The following PTPRN2 variants were observed in gnomAD, a reference collection of about 807,000 sequenced individuals.
PTPRN2 encodes protein tyrosine phosphatase receptor type N2, also known as receptor-type tyrosine-protein phosphatase N2.
A neutral mutation model predicts 118.8 loss-of-function variants in PTPRN2; 74 were observed. The ratio of observed to expected loss-of-function variants is 0.62; its 90% confidence interval spans 0.52 to 0.76. The LOEUF is 0.76. Ranked by LOEUF, PTPRN2 falls within the 30% of genes least tolerant of loss-of-function variation. The probability of loss-of-function intolerance (pLI) is 0.00; values close to 1 mark genes in which losing one functional copy is unlikely to be tolerated. For missense variants in PTPRN2, 1,481 were observed against 1,394.4 expected, an observed-to-expected ratio of 1.06 and a Z score of -0.99; for synonymous variants, 641 against 608.0, an observed-to-expected ratio of 1.05 and a Z score of -0.80.
Position 158,227,790 on chromosome 7 carries a change from C to T in PTPRN2, c.278-22517G>A, listed in dbSNP as rs199985067. Among the ~76,000 whole-genome samples the T allele has an allele frequency of 3.3e-4, 50 of 152,276 alleles. No homozygotes were observed. In the East Asian group the frequency reaches 3.9e-3, roughly 12 times the overall value. On this transcript the variant is annotated intron_variant, in intron 3 of 22. Coordinates refer to ENST00000389418, the MANE Select transcript of PTPRN2 (RefSeq NM_002847.5). ...GAGGAAACACTCCTTAAGAAGATGACGTGAAGTCAATTAAAGGGATCAGGT... is the reference window on the plus strand; with the variant it reads ...GAGGAAACACTCCTTAAGAAGATGATGTGAAGTCAATTAAAGGGATCAGGT...
intron 6 of PTPRN2, among the ~76,000 whole-genome samples, chr7:158,165,360 A>T (rs937571267): frequency 6.6e-6 from 1 of 152,212 alleles, no homozygotes; most frequent in African/African-American, 2.4e-5. Flanking sequence ...CAGCTCCCGT[A>T]GCAAACAGCA....
At chr7:158,321,513 C>T (rs1426745559) in intron 2 of PTPRN2, among the ~76,000 whole-genome samples, 1 of 152,238 alleles carries the variant, frequency 6.6e-6, no homozygotes, top group Admixed American at 6.5e-5. Flanking sequence ...CCATGCTGAG[C>T]TCCCAGCTGG....
At chr7:158,045,208 T>C (rs1455425706) in intron 11 of PTPRN2, among the ~76,000 whole-genome samples, 4 of 152,208 alleles carry the variant, frequency 2.6e-5, no homozygotes, top group South Asian at 2.1e-4. Flanking sequence ...ACAGCAGTCA[T>C]GTGGCGCACA....
At chr7:157,719,930 G>C (rs907849818) in intron 12 of PTPRN2, among the ~76,000 whole-genome samples, 1 of 152,128 alleles carries the variant, frequency 6.6e-6, no homozygotes, top group African/African-American at 2.4e-5. Context: ...TAAGTCTGAG[G>C]CATTATAATA....
rs1585276808 is a variant in PTPRN2 at position 158,051,453 on chromosome 7, A to G, written c.1723+29845T>C. On this transcript the variant is annotated intron_variant, in intron 11 of 22. Coordinates refer to ENST00000389418, the MANE Select transcript of PTPRN2 (RefSeq NM_002847.5). ...CCAAGTCTGTCTGCCAGCAGCTGCA[A>G]AGGCCTCACATACCCTCCCTGTGTC... is the stretch of plus-strand genomic sequence containing the variant. Among the ~76,000 whole-genome samples the G allele has an allele frequency of 2.0e-5, 3 of 152,300 alleles. No individual in the cohort carries two copies. In the South Asian group the frequency reaches 6.2e-4, roughly 32 times the overall value.
In PTPRN2 at chr7:158,334,534, G is replaced by A. The variant is rs1305374700; in HGVS notation, c.164-17602C>T. 9.3e-4 allele frequency among the ~76,000 whole-genome samples: 99 copies of A among 106,828 alleles called. 1 individual carries two copies. The highest frequency in any genetic ancestry group is 2.7e-3 in the African/African-American group (81 of 29,962). 70.1% of individuals were successfully genotyped at this position (106,828 alleles called of 152,430 possible). A position where few individuals can be genotyped will look rare whatever the true frequency, so the allele number is the denominator to read the frequency against. On this transcript the variant is annotated intron_variant, in intron 2 of 22. Transcript: ENST00000389418. ...ACCATAAGAGGTGACACCTGCAGAC[G>A]TCACTCACACCCACACTCTCACCAT...
chr7:158,300,000 G>A (rs1220286235), intron 3 of PTPRN2, among the ~76,000 whole-genome samples: 1 of 152,148 alleles, frequency 6.6e-6, no homozygotes, highest in Non-Finnish European at 1.5e-5. Flanking sequence ...CAGGCAAAAC[G>A]AGCACCATTT....
At chr7:158,346,743 C>T (rs1807542081) in intron 2 of PTPRN2, among the ~76,000 whole-genome samples, 1 of 152,196 alleles carries the variant, frequency 6.6e-6, no homozygotes, top group African/African-American at 2.4e-5. Flanking sequence ...CAAGATTTCC[C>T]TTTTCACCAC....
At chr7:157,551,091 A>G (rs1471865209) in intron 21 of PTPRN2, among the ~76,000 whole-genome samples, 1 of 152,110 alleles carries the variant, frequency 6.6e-6, no homozygotes, top group Non-Finnish European at 1.5e-5. Context: ...CAGCAGAATC[A>G]TGGCAGAAAC....
At chr7:157,771,022 G>A (rs1802770649) in intron 12 of PTPRN2, among the ~76,000 whole-genome samples, 2 of 152,382 alleles carry the variant, frequency 1.3e-5, no homozygotes, top group Admixed American at 6.5e-5. Flanking sequence ...GCTCAGACTC[G>A]AGAGACTGGC....
At chr7:157,871,233 G>C (rs1811026678) in intron 12 of PTPRN2, among the ~76,000 whole-genome samples, 1 of 152,190 alleles carries the variant, frequency 6.6e-6, no homozygotes, top group African/African-American at 2.4e-5. Flanking sequence ...GCAGCACCCA[G>C]GGAGCTTGTT....
intron 11 of PTPRN2, among the ~76,000 whole-genome samples, chr7:157,989,989 C>T (rs975687037): frequency 3.9e-5 from 6 of 152,146 alleles, no homozygotes; most frequent in Non-Finnish European, 5.9e-5. Context: ...TGCAGAGCTG[C>T]TTCGTGTCCC....
At chr7:158,445,940 G>A (rs533583785) in intron 2 of PTPRN2, among the ~76,000 whole-genome samples, 1 of 152,098 alleles carries the variant, frequency 6.6e-6, no homozygotes, top group East Asian at 1.9e-4. Flanking sequence ...GTGAGCCCTC[G>A]GACCACCGCA....
intron 13 of PTPRN2, among the ~76,000 whole-genome samples, chr7:157,668,611 C>T (rs370852272): frequency 5.3e-5 from 8 of 152,164 alleles, no homozygotes; most frequent in African/African-American, 9.7e-5. Context: ...ACGTGGTGAA[C>T]GGGAACCGGC....
At position 157,869,892 on chromosome 7, in the gene PTPRN2, A is replaced by G. The variant is rs140331938; in HGVS notation, c.1788+28781T>C. 5.4e-4 allele frequency among the ~76,000 whole-genome samples: 82 copies of G among 152,252 alleles called. No individual in the cohort carries two copies. Among genetic ancestry groups the G allele is most frequent in the African/African-American group, 1.9e-3 (79 of 41,542 alleles). ...GCCCTCCAGAAAGTCAACATGCAAA[A>G]TGCCTTGAGCATCCCAACATCTACT... On this transcript the variant is annotated intron_variant, in intron 12 of 22. Transcript: ENST00000389418. This position sits in a 1 kb window ranked among gnomAD's most constrained non-coding sequence, Gnocchi z 4.2.
chr7:157,739,605 A>C lies in PTPRN2; in HGVS notation c.1789-56668T>G, dbSNP rs191939055. ...GACACCTGTGCCTTCAGCTGCCCCG[A>C]GGTCAACTCAATGCCAACTGCCATC... On this transcript the variant is annotated intron_variant, in intron 12 of 22. Transcript: ENST00000389418. Among the ~76,000 whole-genome samples the C allele has an allele frequency of 5.1e-3, 773 of 152,344 alleles. 15 individuals are homozygous for C. Among genetic ancestry groups the C allele is most frequent in the East Asian group, 0.045 (232 of 5,190 alleles).
At chr7:158,224,508 CA>C (rs1828605933) in intron 3 of PTPRN2, among the ~76,000 whole-genome samples, 1 of 152,098 alleles carries the variant, frequency 6.6e-6, no homozygotes, top group African/African-American at 2.4e-5. Flanking sequence ...GCCTTTTCAA[CA>C]AATGGTCCTG....
At position 157,794,602 on chromosome 7, in the gene PTPRN2, C is replaced by T. The variant is rs891838057; in HGVS notation, c.1788+104071G>A. Among the ~76,000 whole-genome samples, 12 of 152,196 alleles carry T rather than the reference C, an allele frequency of 7.9e-5. No individual in the cohort carries two copies. Among genetic ancestry groups the T allele is most frequent in the South Asian group, 2.1e-4 (1 of 4,832 alleles). On this transcript the variant is annotated intron_variant, in intron 12 of 22. Coordinates refer to ENST00000389418, the MANE Select transcript of PTPRN2 (RefSeq NM_002847.5). This position sits in a 1 kb window ranked among gnomAD's most constrained non-coding sequence, Gnocchi z 5.2. ...AAATGTGGGGATTTCATTTCTTCAT[C>T]GCCTCTGTGAACACCCACTAAAACC...
At chr7:158,553,516 A>G (rs984489948) in intron 1 of PTPRN2, among the ~76,000 whole-genome samples, 4 of 151,642 alleles carry the variant, frequency 2.6e-5, no homozygotes, top group African/African-American at 9.7e-5. Context: ...GTGTACAGAC[A>G]CAGGCTTGGG....
Sources: gnomAD v4.1 joint callset for allele counts (sites outside exome capture counted in the v4.1 genomes callset) on GRCh38, gnomAD v4.1.1 for gene constraint, Gnocchi (gnomAD v3.1) non-coding constraint, MANE v1.5 for transcripts, NCBI Gene and HGNC (gene_info 2026-07-23, HGNC 2026-07-21) for gene names.